SPEG: variants seen among roughly 807,000 people sequenced by gnomAD.
The protein encoded by SPEG is striated muscle enriched protein kinase.
Under a neutral mutation model 300.4 loss-of-function variants are expected in SPEG, and 114 were observed. The observed-to-expected ratio is 0.38, with a 90% CI of 0.33 to 0.44. The LOEUF (loss-of-function observed/expected upper bound fraction) is 0.44. Among genes scored for constraint, SPEG ranks in the 20% least tolerant of loss-of-function variants. The pLI is 1.00. For synonymous variants in SPEG, 1,964 were observed against 2,018.9 expected, an observed-to-expected ratio of 0.97 and a Z score of 0.73; for missense variants, 4,201 against 4,586.2, an observed-to-expected ratio of 0.92 and a Z score of 2.43.
At chr2:219,441,952 C>A (rs1033946954) in intron 1 of SPEG, 16 of 295,808 alleles carry the variant, frequency 5.4e-5, no homozygotes, top group Admixed American at 1.1e-4. Context: ...CGCCGGCTCC[C>A]GCCCGCTCCC....
Position 219,474,235 on chromosome 2 carries a change from G to A in SPEG, c.4447+332G>A, listed in dbSNP as rs931781425. The A allele has an allele frequency of 1.8e-4, 34 of 194,088 alleles. No individual in the cohort carries two copies. The East Asian group carries it at 3.7e-3, about 21-fold the overall frequency. 12.0% of individuals were successfully genotyped at this position (194,088 alleles called of 1,614,324 possible). ...TCTACTAAAAATACAAAAATTAGCT[G>A]GGTGTGGCGGCAGGTGCCTGTAGTC... On this transcript the variant is annotated intron_variant, in intron 18 of 40. Coordinates refer to ENST00000312358, the MANE Select transcript of SPEG (RefSeq NM_005876.5).
At position 219,434,904 on chromosome 2, in the gene SPEG, C is replaced by T; in HGVS notation, c.-74C>T. On this transcript the variant is annotated 5_prime_UTR_variant, in exon 1 of 41. Coordinates refer to ENST00000312358, the MANE Select transcript of SPEG (RefSeq NM_005876.5). The stretch of plus-strand genomic sequence containing the variant: ...GGCCGCCGGCCCCCCAGACTTGTCT[C>T]CTAGGGCACCGTCCCGCGGGTGCCC... 8.7e-7 allele frequency: 1 copy of T among 1,145,004 alleles called. No homozygotes were observed. The highest frequency in any genetic ancestry group is 1.2e-6 in the Non-Finnish European group (1 of 844,128). 70.9% of individuals were successfully genotyped at this position (1,145,004 alleles called of 1,614,324 possible).
At position 219,459,800 on chromosome 2, in the gene SPEG, C is replaced by A. The variant is rs544748123; in HGVS notation, c.2441-2082C>A. Among the ~76,000 whole-genome samples the A allele has an allele frequency of 1.2e-3, 180 of 152,322 alleles. 1 individual carries two copies. Among genetic ancestry groups the A allele is most frequent in the African/African-American group, 4.1e-3 (171 of 41,576 alleles). ...CCTTAAGCACCAAATGCCATTCTGA[C>A]TTCCCTCCCCAACCCTACCTCAAGA... On this transcript the variant is annotated intron_variant, in intron 6 of 40. Transcript: ENST00000312358. The surrounding 1 kb of genome is among the most constrained non-coding windows in gnomAD (Gnocchi z 4.9).
chr2:219,474,882 G>A (rs1320970355), intron 18 of SPEG, among the ~76,000 whole-genome samples: 17 of 150,320 alleles, frequency 1.1e-4, no homozygotes, highest in Admixed American at 8.0e-4. Flanking sequence ...TCCCAGGTTC[G>A]AGTGATTCTT....
At position 219,472,309 on chromosome 2, in the gene SPEG, C is replaced by A; in HGVS notation, c.3918C>A (p.Pro1306=). 6.2e-7 allele frequency: 1 copy of A among 1,613,754 alleles called. No homozygotes were observed. The highest frequency in any genetic ancestry group is 8.5e-7 in the Non-Finnish European group (1 of 1,179,982). Residue 1306 remains proline (P), a synonymous_variant, in exon 15 of 41, where the codon CCC becomes CCA. Transcript: ENST00000312358. ...GRMVTLTWNP[P]RSLDMAIDPD... is the part of the protein sequence containing the mutation. ...TGGTCACACTCACATGGAACCCCCC[C>A]AGGAGTCTGGACATGGCCATCGGTG...
At chr2:219,452,658 T>C (rs1199035428) in intron 6 of SPEG, among the ~76,000 whole-genome samples, 2 of 151,942 alleles carry the variant, frequency 1.3e-5, no homozygotes, top group Non-Finnish European at 2.9e-5. Context: ...GCCGAGGACA[T>C]CCGAGCCGTT....
rs1248383632 is a variant in SPEG at position 219,484,361 on chromosome 2, C to T, written c.6898C>T (p.Pro2300Ser). ...GAAGCGCGTGCCCTCAGCCGGGGGT[C>T]CCCCGGTGCTAGCCGAGAAAGCCCG... ...PEKRVPSAGG[P>S]PVLAEKARVP... Residue 2300 changes from proline (P) to serine (S), a missense_variant, in exon 30 of 41, where the codon CCC becomes TCC. Pro to Ser is a moderately conservative substitution (Grantham distance 74). This residue lies in a region of SPEG where 1,578 missense variants were observed against 1,506.0 expected (regional missense o/e 1.05). Coordinates refer to ENST00000312358, the MANE Select transcript of SPEG (RefSeq NM_005876.5). The T allele has an allele frequency of 1.9e-6, 3 of 1,607,012 alleles. No homozygotes were observed. Among genetic ancestry groups the T allele is most frequent in the Non-Finnish European group, 2.5e-6 (3 of 1,179,236 alleles).
At chr2:219,441,238 T>C (rs531698320) in intron 1 of SPEG, among the ~76,000 whole-genome samples, 1 of 152,300 alleles carries the variant, frequency 6.6e-6, no homozygotes, top group East Asian at 1.9e-4. Context: ...TGTGCTTCCC[T>C]GTGATTGAGA....
Position 219,493,007 on chromosome 2 carries a change from C to T in SPEG, c.*221C>T, listed in dbSNP as rs1050686194. 3.4e-5 allele frequency: 24 copies of T among 702,550 alleles called. No homozygotes were observed. Among genetic ancestry groups the T allele is most frequent in the Non-Finnish European group, 6.0e-5 (23 of 386,310 alleles). The allele number at this position is 702,550 out of a possible 1,614,324, so 43.5% of individuals were successfully genotyped here. A position where few individuals can be genotyped will look rare whatever the true frequency, so the allele number is the denominator to read the frequency against. ...AAGCCAGAGTGGGAGACCCATTGGT[C>T]AGGCTCAGCAGGGTGGGAACAGGCA... On this transcript the variant is annotated 3_prime_UTR_variant, in exon 41 of 41. Transcript: ENST00000312358.
Position 219,475,576 on chromosome 2 carries a change from T to C in SPEG, c.4448-1294T>C, listed in dbSNP as rs149614334. ...GCGCTCTTTTAAGTGTCTCCCTCCT[T>C]GCCTGCCCTGTCCCTAGCACTCTCC... is the stretch of plus-strand genomic sequence containing the variant. On this transcript the variant is annotated intron_variant, in intron 18 of 40. Coordinates refer to ENST00000312358, the MANE Select transcript of SPEG (RefSeq NM_005876.5). Among the ~76,000 whole-genome samples, 323 of 152,284 alleles carry C rather than the reference T, an allele frequency of 2.1e-3. 3 individuals carry two copies. The highest frequency in any genetic ancestry group is 7.5e-3 in the African/African-American group (313 of 41,570).
In SPEG at chr2:219,439,127, T is replaced by C. The variant is rs1161087576; in HGVS notation, c.388+3762T>C. ...CTGAGTGGAATGAGAGATGGTCACTTTTCTGGCTAAAGACCTCTGGGGACA... is the reference window on the plus strand; with the variant it reads ...CTGAGTGGAATGAGAGATGGTCACTCTTCTGGCTAAAGACCTCTGGGGACA... On this transcript the variant is annotated intron_variant, in intron 1 of 40. Coordinates refer to ENST00000312358, the MANE Select transcript of SPEG (RefSeq NM_005876.5). The surrounding 1 kb of genome is among the most constrained non-coding windows in gnomAD (Gnocchi z 4.5). 6.6e-6 allele frequency among the ~76,000 whole-genome samples: 1 copy of C among 152,050 alleles called. No homozygotes were observed. Among genetic ancestry groups the C allele is most frequent in the Admixed American group, 6.6e-5 (1 of 15,256 alleles).
In SPEG at chr2:219,459,106, C is replaced by G. The variant is rs16859931; in HGVS notation, c.2441-2776C>G. Among the ~76,000 whole-genome samples the G allele has an allele frequency of 0.044, 6,772 of 152,216 alleles. 495 individuals are homozygous for G. Among genetic ancestry groups the G allele is most frequent in the African/African-American group, 0.15 (6,354 of 41,500 alleles). On this transcript the variant is annotated intron_variant, in intron 6 of 40. Coordinates refer to ENST00000312358, the MANE Select transcript of SPEG (RefSeq NM_005876.5). The surrounding 1 kb of genome is among the most constrained non-coding windows in gnomAD (Gnocchi z 4.9). Reference sequence around the variant, plus strand: ...AGTATTTTCATCAAATGAGTTTGACCTGAGAGTGATGTTGAAAGGGCAGAC... The same window carrying G: ...AGTATTTTCATCAAATGAGTTTGACGTGAGAGTGATGTTGAAAGGGCAGAC...
At chr2:219,436,251 C>G (rs191694217) in intron 1 of SPEG, among the ~76,000 whole-genome samples, 1 of 152,172 alleles carries the variant, frequency 6.6e-6, no homozygotes, top group South Asian at 2.1e-4. Context: ...GAGGCTGGGC[C>G]CAGTGCTCAT....
intron 15 of SPEG, 74 bp downstream of exon 15, chr2:219,472,405 G>C: frequency 7.5e-7 from 1 of 1,338,606 alleles, no homozygotes. Flanking sequence ...GACACCATGG[G>C]GGCCAGGCCC....
intron 18 of SPEG, 172 bp downstream of exon 18, chr2:219,474,075 A>T: frequency 1.5e-6 from 1 of 664,466 alleles, no homozygotes. Flanking sequence ...AATGACAACA[A>T]TCATACTAAC....
Position 219,473,556 on chromosome 2 carries a change from T to C in SPEG, c.4200T>C (p.Tyr1400=). 6.2e-7 allele frequency: 1 copy of C among 1,614,126 alleles called. No individual in the cohort carries two copies. Among genetic ancestry groups the C allele is most frequent in the East Asian group, 2.2e-5 (1 of 44,864 alleles). Residue 1400 remains tyrosine (Y), a synonymous_variant, in exon 17 of 41, where the codon TAT becomes TAC. Coordinates refer to ENST00000312358, the MANE Select transcript of SPEG (RefSeq NM_005876.5). The surrounding 1 kb of genome is among the most constrained non-coding windows in gnomAD (Gnocchi z 4.6). ...PAMLDKPDIV[Y]VVEGQPASVT... The stretch of plus-strand genomic sequence containing the variant: ...TGCTGGACAAACCAGACATCGTGTA[T>C]GTGGTGGAGGGACAGCCTGCCAGCG...
At position 219,488,862 on chromosome 2, in the gene SPEG, G is replaced by A. The variant is rs372151241; in HGVS notation, c.8111G>A (p.Arg2704Gln). 5.7e-5 allele frequency: 90 copies of A among 1,587,542 alleles called. No homozygotes were observed. Among genetic ancestry groups the A allele is most frequent in the Middle Eastern group, 3.3e-4 (2 of 5,976 alleles). The change falls in exon 34 of 41, where the codon CGG becomes CAG. Residue 2704 changes from arginine to glutamine, a missense_variant. Arg to Gln is a conservative substitution (Grantham distance 43). Transcript: ENST00000312358. ...GTGCTGTGGAAGCCGGGAGACAGCCGGGCACCTTGCACGTATACGCTGGAG... is the reference window on the plus strand; with the variant it reads ...GTGCTGTGGAAGCCGGGAGACAGCCAGGCACCTTGCACGTATACGCTGGAG... ...ALVLWKPGDS[R>Q]APCTYTLERR...
In SPEG at chr2:219,448,631, G is replaced by A. The variant is rs1439645623; in HGVS notation, c.1473G>A (p.Glu491=). 1.3e-6 allele frequency: 2 copies of A among 1,483,398 alleles called. No homozygotes were observed. The highest frequency in any genetic ancestry group is 1.8e-6 in the Non-Finnish European group (2 of 1,124,990). The allele number at this position is 1,483,398 out of a possible 1,614,324, so 91.9% of individuals were successfully genotyped here. ...TRQRSPASDL[E]LRFAQELGRI... is the part of the protein sequence containing the mutation. ...AGCGCAGCCCGGCCTCAGACCTCGA[G>A]CTGCGCTTCGCCCAGGAGCTGGGCC... Residue 491 remains glutamate (E), a synonymous_variant, in exon 4 of 41, where the codon GAG becomes GAA. Coordinates refer to ENST00000312358, the MANE Select transcript of SPEG (RefSeq NM_005876.5).
At position 219,483,093 on chromosome 2, in the gene SPEG, T is replaced by TC; in HGVS notation, c.5635-3dup. 1 of 1,603,826 alleles carries TC rather than the reference T, an allele frequency of 6.2e-7. No homozygotes were observed. The highest frequency in any genetic ancestry group is 8.5e-7 in the Non-Finnish European group (1 of 1,178,114). ...TCAGGTCTGACTCCAGTACCCTGTC[T>TC]CCAGCGCTCCCAGATCAGCTACAAA... On this transcript the variant is annotated splice_polypyrimidine_tract_variant and splice_region_variant and intron_variant, in intron 29 of 40. Coordinates refer to ENST00000312358, the MANE Select transcript of SPEG (RefSeq NM_005876.5).
Sources: gnomAD v4.1 joint callset for allele counts (sites outside exome capture counted in the v4.1 genomes callset) on GRCh38, gnomAD v4.1.1 for gene constraint, gnomAD v4.1.1 regional missense constraint, Gnocchi (gnomAD v3.1) non-coding constraint, MANE v1.5 for transcripts, NCBI Gene and HGNC (gene_info 2026-07-23, HGNC 2026-07-21) for gene names.